Variants in ITGA3 observed in about 807,000 individuals in gnomAD.
The protein encoded by ITGA3 is integrin subunit alpha 3, also known as integrin alpha-3.
A neutral mutation model predicts 131.1 loss-of-function variants in ITGA3; 70 were observed. That is an observed-to-expected ratio of 0.53 (90% CI 0.44 to 0.65). The LOEUF is 0.65. Among genes scored for constraint, ITGA3 ranks in the 30% least tolerant of loss-of-function variants. The pLI is 0.00. For synonymous variants in ITGA3, 537 were observed against 571.6 expected (o/e 0.94, Z 0.86); for missense variants, 1,098 against 1,388.6 (o/e 0.79, Z 3.33).
At chr17:50,084,452 T>G (rs756845644) in intron 23 of ITGA3, among the ~76,000 whole-genome samples, 4 of 152,054 alleles carry the variant, frequency 2.6e-5, no homozygotes, top group Non-Finnish European at 4.4e-5. Context: ...TATGGGGATA[T>G]TTTAGATAAT....
intron 8 of ITGA3, 46 bp downstream of exon 8, chr17:50,074,050 G>A (rs1356508877): frequency 4.5e-6 from 7 of 1,557,070 alleles, no homozygotes; most frequent in Non-Finnish European, 4.4e-6. Context: ...CAGCCGAGAT[G>A]GGCCTTCCTT....
Position 50,089,561 on chromosome 17 carries a change from C to T in ITGA3, c.*483C>T, listed in dbSNP as rs2144328572. ...GCATCACGGATGGTGCATGGGCTCG[C>T]CGTGTCTCAGCCTCTGCCAGCGCCA... On this transcript the variant is annotated 3_prime_UTR_variant, in exon 26 of 26. Transcript: ENST00000320031. 2.8e-6 allele frequency: 1 copy of T among 363,600 alleles called. No homozygotes were observed. The highest frequency in any genetic ancestry group is 4.5e-5 in the East Asian group (1 of 22,004). 22.5% of individuals were successfully genotyped at this position (363,600 alleles called of 1,614,324 possible). A position where few individuals can be genotyped will look rare whatever the true frequency, so the allele number is the denominator to read the frequency against.
At chr17:50,076,739 C>A in intron 14 of ITGA3, 58 bp downstream of exon 14, 1 of 1,165,048 alleles carries the variant, frequency 8.6e-7, no homozygotes, top group Non-Finnish European at 1.3e-6. Context: ...GCCTCATTAA[C>A]TGGCAGGGTG....
rs771512483 is a variant in ITGA3, at chr17:50,079,088, G to C, written c.2413G>C (p.Gly805Arg). 1 of 1,613,718 alleles carries C rather than the reference G, an allele frequency of 6.2e-7. No individual in the cohort carries two copies. The highest frequency in any genetic ancestry group is 8.5e-7 in the Non-Finnish European group (1 of 1,179,844). The part of the protein sequence containing the change: ...LKYEFQVGPM[G>R]EGLVGLGTLV... Reference sequence around the variant, plus strand: ...CTTGTGCCCACAGGTGGGCCCAATGGGGGAGGGGCTGGTGGGCCTGGGGAC... The same window carrying C: ...CTTGTGCCCACAGGTGGGCCCAATGCGGGAGGGGCTGGTGGGCCTGGGGAC... Residue 805 changes from glycine to arginine, a missense_variant, in exon 20 of 26, where the codon GGG (glycine) becomes CGG (arginine). Physicochemically the swap from Gly to Arg is moderately radical, Grantham distance 125 (BLOSUM62 -2). Around this residue, in one of 3 missense-constraint regions of ITGA3, gnomAD observed 699 missense variants for 829.2 expected, o/e 0.84. Transcript: ENST00000320031.
At chr17:50,069,999 C>T (rs1390603497) in intron 4 of ITGA3, among the ~76,000 whole-genome samples, 2 of 152,220 alleles carry the variant, frequency 1.3e-5, no homozygotes, top group African/African-American at 2.4e-5. Context: ...AGTCACAGCT[C>T]TGGGCTCACC....
At chr17:50,061,739 G>A (rs1908091472) in intron 1 of ITGA3, among the ~76,000 whole-genome samples, 1 of 152,130 alleles carries the variant, frequency 6.6e-6, no homozygotes, top group Non-Finnish European at 1.5e-5. Context: ...AACATGCCAG[G>A]GCAGAAATTC....
In ITGA3 at chr17:50,074,283, G is replaced by A. The variant is rs144049965; in HGVS notation, c.1382+3G>A. 1,126 of 1,613,840 alleles carry A rather than the reference G, an allele frequency of 7.0e-4. 5 individuals carry two copies. In the African/African-American group the frequency reaches 0.013, roughly 19 times the overall value. Reference sequence around the variant, plus strand: ...TCAGACCACATTGTGCTGCTGCGGTGAGCCAGGAGGCCAGTGAATAAGGGT... The same window carrying A: ...TCAGACCACATTGTGCTGCTGCGGTAAGCCAGGAGGCCAGTGAATAAGGGT... On this transcript the variant is annotated splice_donor_region_variant and intron_variant, in intron 9 of 25. Transcript: ENST00000320031.
rs1908208041 is a variant in ITGA3 at position 50,064,022 on chromosome 17, T to A, written c.207-55T>A. 6.3e-7 allele frequency: 1 copy of A among 1,594,130 alleles called. No individual in the cohort carries two copies. The highest frequency in any genetic ancestry group is 1.7e-5 in the Admixed American group (1 of 58,192). The stretch of plus-strand genomic sequence containing the variant: ...GTATGTTGAATAAATAACAAGTTGT[T>A]CCAAGTGGGGCTTGGGGAGTCTGAA... On this transcript the variant is annotated intron_variant, in intron 1 of 25. Coordinates refer to ENST00000320031, the MANE Select transcript of ITGA3 (RefSeq NM_002204.4). This position sits in a 1 kb window ranked among gnomAD's most constrained non-coding sequence, Gnocchi z 4.4.
At position 50,056,596 on chromosome 17, in the gene ITGA3, G is replaced by C; in HGVS notation, c.157G>C (p.Gly53Arg). The change falls in exon 1 of 26, where the codon GGC (glycine) becomes CGC (arginine). Residue 53 changes from glycine (G) to arginine (R), a missense_variant. Around this residue, in one of 3 missense-constraint regions of ITGA3, gnomAD observed 356 missense variants for 529.2 expected, o/e 0.67. Transcript: ENST00000320031. This position sits in a 1 kb window ranked among gnomAD's most constrained non-coding sequence, Gnocchi z 5.6. The stretch of plus-strand genomic sequence containing the variant: ...GGCCGGGAACCCGGGCAGCCTCTTC[G>C]GCTACTCGGTCGCCCTCCATCGGCA... ...KEAGNPGSLF[G>R]YSVALHRQTE... 6.3e-7 allele frequency: 1 copy of C among 1,597,020 alleles called. No individual in the cohort carries two copies. Among genetic ancestry groups the C allele is most frequent in the Non-Finnish European group, 8.5e-7 (1 of 1,172,776 alleles).
chr17:50,062,061 GA>G (rs1231999713), intron 1 of ITGA3, among the ~76,000 whole-genome samples: 1 of 143,614 alleles, frequency 7.0e-6, no homozygotes, highest in African/African-American at 2.5e-5. Flanking sequence ...AAAAAAGAAA[GA>G]AAAAAAGAAA....
chr17:50,070,342 A>G (rs1908563007), intron 4 of ITGA3, among the ~76,000 whole-genome samples: 2 of 152,046 alleles, frequency 1.3e-5, no homozygotes, highest in Admixed American at 6.6e-5. Flanking sequence ...TCATAATTTA[A>G]CCTCAAATAA....
chr17:50,067,277 T>A (rs1395358508), intron 3 of ITGA3, among the ~76,000 whole-genome samples: 2 of 152,240 alleles, frequency 1.3e-5, no homozygotes, highest in Non-Finnish European at 2.9e-5. Flanking sequence ...GGACTTTGCC[T>A]GTCTCCAGGC....
intron 23 of ITGA3, 50 bp from the exon 24 acceptor site, chr17:50,087,694 T>A (rs752399356): frequency 6.3e-7 from 1 of 1,575,304 alleles, no homozygotes; most frequent in Admixed American, 1.7e-5. Flanking sequence ...AGGGTGAGGA[T>A]GGGCCTAAGC....
chr17:50,076,835 C>T, intron 14 of ITGA3, 139 bp from the exon 15 acceptor site: 1 of 1,168,248 alleles, frequency 8.6e-7, no homozygotes, highest in Admixed American at 2.0e-5. Context: ...CTTTCTCCTC[C>T]AGGTGCGACT....
rs763327889 is a variant in ITGA3, at chr17:50,071,315, C to T, written c.756C>T (p.Tyr252=). ...PEDQGNLYIG[Y]TMQVGSFILH... is the part of the protein sequence containing the mutation. ...AACATCTTCCCTCTATCCCAGGGTA[C>T]ACGATGCAGGTAGGCAGCTTCATCC... Residue 252 remains tyrosine (Y), a synonymous_variant, in exon 6 of 26, where the codon TAC becomes TAT. Coordinates refer to ENST00000320031, the MANE Select transcript of ITGA3 (RefSeq NM_002204.4). 10 of 1,613,796 alleles carry T rather than the reference C, an allele frequency of 6.2e-6. No individual in the cohort carries two copies. The South Asian group carries it at 6.6e-5, about 11-fold the overall frequency.
chr17:50,085,837 CATTATAGAT>C (rs1909369372), intron 23 of ITGA3, among the ~76,000 whole-genome samples: 1 of 113,228 alleles, frequency 8.8e-6, no homozygotes, highest in Admixed American at 8.6e-5. Context: ...TTAGATTATA[CATTATAGAT>C]TTATAATGTA....
chr17:50,080,350 G>A lies in ITGA3; in HGVS notation c.2795G>A (p.Arg932Gln), dbSNP rs781502548. Residue 932 changes from arginine (R) to glutamine (Q), a missense_variant, in exon 22 of 26, where the codon CGA becomes CAA. Around this residue, in one of 3 missense-constraint regions of ITGA3, gnomAD observed 699 missense variants for 829.2 expected, o/e 0.84. Transcript: ENST00000320031. ...GTCACCAACGTGACTGTGAAGGCAC[G>A]AGTGTGGAACAGCACCTTCATCGAG... ...PVVTNVTVKA[R>Q]VWNSTFIEDY... 1.5e-4 allele frequency: 240 copies of A among 1,612,556 alleles called. No homozygotes were observed. The highest frequency in any genetic ancestry group is 2.0e-4 in the Non-Finnish European group (236 of 1,179,262).
intron 3 of ITGA3, among the ~76,000 whole-genome samples, chr17:50,066,739 C>T (rs1598183422): frequency 1.3e-5 from 2 of 152,138 alleles, no homozygotes; most frequent in African/African-American, 2.4e-5. Context: ...CATGCCACTG[C>T]ACTCCAGCCT....
intron 4 of ITGA3, among the ~76,000 whole-genome samples, chr17:50,069,929 T>C (rs1045427055): frequency 6.6e-6 from 1 of 152,202 alleles, no homozygotes; most frequent in African/African-American, 2.4e-5. Flanking sequence ...TTTATTGTTG[T>C]AGAATCAGCA....
Sources: gnomAD v4.1 joint callset for allele counts (sites outside exome capture counted in the v4.1 genomes callset) on GRCh38, gnomAD v4.1.1 for gene constraint, gnomAD v4.1.1 regional missense constraint, Gnocchi (gnomAD v3.1) non-coding constraint, MANE v1.5 for transcripts, NCBI Gene and HGNC (gene_info 2026-07-23, HGNC 2026-07-21) for gene names.